Variants in ZNF148 observed in about 807,000 individuals in gnomAD.
ZNF148 encodes the protein zinc finger protein 148, also known as Beta-Enolase Repressor Factor-1.
Under a neutral mutation model 67.7 loss-of-function variants are expected in ZNF148, and 7 were observed. That is an observed-to-expected ratio of 0.10 (90% CI 0.06 to 0.19). The LOEUF is 0.19. ZNF148 is among the 10% of genes least tolerant of loss of function. The pLI, the probability that ZNF148 is intolerant of heterozygous loss-of-function variation, is 1.00. For missense variants in ZNF148, 583 were observed against 947.1 expected, an observed-to-expected ratio of 0.62 and a Z score of 5.05; for synonymous variants, 333 against 330.7, an observed-to-expected ratio of 1.01 and a Z score of -0.08.
intron 1 of ZNF148, among the ~76,000 whole-genome samples, chr3:125,370,932 A>G (rs562635663): frequency 6.6e-6 from 1 of 152,262 alleles, no homozygotes; most frequent in East Asian, 1.9e-4. Context: ...CTCAAAATGT[A>G]TCACCACCTC....
rs757619946 is a variant in ZNF148 at position 125,233,106 on chromosome 3, T to C, written c.1620A>G (p.Val540=). ...AATAATGATCCAACAGAGTCTGCAG[T>C]ACCTCATCTGGAATAACATTTTTGT... The part of the protein sequence containing the change: ...NHDKNVIPDE[V]LQTLLDHYSH... Residue 540 remains valine, a synonymous_variant, in exon 9 of 9, where the codon GTA becomes GTG. Transcript: ENST00000360647. The surrounding 1 kb of genome is among the most constrained non-coding windows in gnomAD (Gnocchi z 5.1). 6.2e-7 allele frequency: 1 copy of C among 1,613,782 alleles called. No homozygotes were observed. The highest frequency in any genetic ancestry group is 1.7e-5 in the Admixed American group (1 of 59,974).
intron 7 of ZNF148, among the ~76,000 whole-genome samples, chr3:125,239,512 AAAT>A (rs1292007780): frequency 2.0e-5 from 3 of 152,302 alleles, no homozygotes; most frequent in South Asian, 2.1e-4. Context: ...AGGATGGCTA[AAAT>A]AATAATAACA....
chr3:125,297,219 G>GT (rs1416103679), intron 4 of ZNF148, among the ~76,000 whole-genome samples: 2 of 152,020 alleles, frequency 1.3e-5, no homozygotes, highest in Non-Finnish European at 2.9e-5. Flanking sequence ...ATCTCTATGG[G>GT]TAAGTTTGAG....
At chr3:125,347,895 T>C (rs913696575) in intron 1 of ZNF148, among the ~76,000 whole-genome samples, 2 of 152,202 alleles carry the variant, frequency 1.3e-5, no homozygotes, top group African/African-American at 4.8e-5. Context: ...AACAAACCAG[T>C]GCTAGAACCA....
At chr3:125,347,238 T>C (rs775979201) in intron 1 of ZNF148, among the ~76,000 whole-genome samples, 19 of 152,208 alleles carry the variant, frequency 1.2e-4, no homozygotes, top group Admixed American at 3.3e-4. Context: ...AAAAATTTCA[T>C]ATTGTTAAGA....
chr3:125,326,469 G>A (rs2107700668), intron 2 of ZNF148, among the ~76,000 whole-genome samples: 1 of 151,252 alleles, frequency 6.6e-6, no homozygotes, highest in Non-Finnish European at 1.5e-5. Context: ...CAACCACAAA[G>A]AAAATATCTT....
intron 1 of ZNF148, among the ~76,000 whole-genome samples, chr3:125,360,628 A>G (rs1942506380): frequency 6.6e-6 from 1 of 152,090 alleles, no homozygotes; most frequent in Admixed American, 6.6e-5. Flanking sequence ...TTTGTTTCCA[A>G]TGTCTCATTT....
At chr3:125,275,592 A>G (rs1207684753) in intron 7 of ZNF148, among the ~76,000 whole-genome samples, 2 of 152,244 alleles carry the variant, frequency 1.3e-5, no homozygotes. Flanking sequence ...AAATGGGGAC[A>G]GTAATAACTC....
rs1376720364 is a variant in ZNF148, at chr3:125,231,578, A to T, written c.*763T>A. The T allele has an allele frequency of 6.6e-6, 1 of 152,544 alleles. No homozygotes were observed. The highest frequency in any genetic ancestry group is 1.5e-5 in the Non-Finnish European group (1 of 67,976). 9.4% of individuals were successfully genotyped at this position (152,544 alleles called of 1,614,324 possible). A position where few individuals can be genotyped will look rare whatever the true frequency, so the allele number is the denominator to read the frequency against. On this transcript the variant is annotated 3_prime_UTR_variant, in exon 9 of 9. Transcript: ENST00000360647. ...TTGATACCTGCACATGAAAAATCAT[A>T]AAAAATATCTAAGTACAACTGTACA... is the stretch of plus-strand genomic sequence containing the variant.
rs571641607 is a variant in ZNF148, at chr3:125,272,392, T to A, written c.667+5334A>T. Among the ~76,000 whole-genome samples, 3 of 152,330 alleles carry A rather than the reference T, an allele frequency of 2.0e-5. No homozygotes were observed. In the South Asian group the frequency reaches 6.2e-4, roughly 32 times the overall value. ...ACATCTTTTTTAAATATAGCTGCTA[T>A]GAACTAACAAAAACATTCTATATAG... On this transcript the variant is annotated intron_variant, in intron 7 of 8. Transcript: ENST00000360647.
intron 7 of ZNF148, among the ~76,000 whole-genome samples, chr3:125,255,166 T>A (rs375355450): frequency 5.1e-4 from 78 of 151,870 alleles, no homozygotes; most frequent in African/African-American, 1.8e-3. Flanking sequence ...ACAATAACAT[T>A]ATCAATGTCT....
At chr3:125,281,588 T>A (rs1938390023) in intron 5 of ZNF148, among the ~76,000 whole-genome samples, 1 of 152,198 alleles carries the variant, frequency 6.6e-6, no homozygotes, top group African/African-American at 2.4e-5. Context: ...TTGCTTAATG[T>A]GAAACGGATG....
At position 125,267,413 on chromosome 3, in the gene ZNF148, C is replaced by A. The variant is rs114911318; in HGVS notation, c.667+10313G>T. 3.3e-5 allele frequency among the ~76,000 whole-genome samples: 5 copies of A among 151,908 alleles called. No homozygotes were observed. The South Asian group carries it at 1.0e-3, about 32-fold the overall frequency. On this transcript the variant is annotated intron_variant, in intron 7 of 8. Transcript: ENST00000360647. ...TATTCCCGGGATGCAATGCTGGTTC[C>A]CCATATGCAAATCAATGAATGTGAT...
At chr3:125,292,798 A>C (rs768303567) in intron 4 of ZNF148, 3 of 152,240 alleles carry the variant, frequency 2.0e-5, no homozygotes, top group Non-Finnish European at 2.9e-5. Flanking sequence ...CATTCATGAC[A>C]TCAAAACTAC....
In ZNF148 at chr3:125,227,093, C is replaced by T. The variant is rs1001111962; in HGVS notation, c.*5248G>A. On this transcript the variant is annotated 3_prime_UTR_variant, in exon 9 of 9. Coordinates refer to ENST00000360647, the MANE Select transcript of ZNF148 (RefSeq NM_021964.3). The stretch of plus-strand genomic sequence containing the variant: ...ACCTTCCCAAGACACACGATGCCCC[C>T]CTTTCCCTCGGAAATTTGCTCTAGC... 1 of 151,048 alleles carries T rather than the reference C, an allele frequency of 6.6e-6. No individual in the cohort carries two copies. The highest frequency in any genetic ancestry group is 1.5e-5 in the Non-Finnish European group (1 of 68,010). The allele number at this position is 151,048 out of a possible 1,614,324, so 9.4% of individuals were successfully genotyped here. A position where few individuals can be genotyped will look rare whatever the true frequency, so the allele number is the denominator to read the frequency against.
At chr3:125,236,624 C>T (rs1372676891) in intron 7 of ZNF148, among the ~76,000 whole-genome samples, 1 of 152,106 alleles carries the variant, frequency 6.6e-6, no homozygotes, top group Non-Finnish European at 1.5e-5. Context: ...TTTAATTTGG[C>T]CACAAGTAAA....
intron 1 of ZNF148, among the ~76,000 whole-genome samples, chr3:125,371,372 A>G (rs992475340): frequency 1.2e-4 from 8 of 65,372 alleles, no homozygotes; most frequent in African/African-American, 2.0e-4. Flanking sequence ...AAAAAAAAAA[A>G]GGGGGGGGGG....
chr3:125,323,726 C>T (rs984710652), intron 2 of ZNF148, among the ~76,000 whole-genome samples: 7 of 151,916 alleles, frequency 4.6e-5, no homozygotes, highest in African/African-American at 1.5e-4. Flanking sequence ...TTTGGGAGGC[C>T]GAGGCAGGCG....
At chr3:125,335,025 C>G (rs557708827) in intron 1 of ZNF148, among the ~76,000 whole-genome samples, 6 of 152,286 alleles carry the variant, frequency 3.9e-5, no homozygotes, top group Non-Finnish European at 5.9e-5. Flanking sequence ...TTAATGAGGC[C>G]TCTTCCAGTC....
Sources: gnomAD v4.1 joint callset for allele counts (sites outside exome capture counted in the v4.1 genomes callset) on GRCh38, gnomAD v4.1.1 for gene constraint, Gnocchi (gnomAD v3.1) non-coding constraint, MANE v1.5 for transcripts, NCBI Gene and HGNC (gene_info 2026-07-23, HGNC 2026-07-21) for gene names.